The following TRRAP variants were observed in gnomAD, a reference collection of about 807,000 sequenced individuals.
TRRAP encodes the protein transformation/transcription domain-associated protein.
TRRAP carries 41 observed loss-of-function variants against 438.8 expected under a neutral mutation model. The observed-to-expected ratio is 0.09, with a 90% confidence interval of 0.07 to 0.12. The LOEUF (loss-of-function observed/expected upper bound fraction) is 0.12, where lower values mean the gene tolerates loss of function less well. Among genes scored for constraint, TRRAP ranks in the 10% least tolerant of loss-of-function variants. The pLI is 1.00. For synonymous variants in TRRAP, 1,994 were observed against 1,962.9 expected, an observed-to-expected ratio of 1.02 and a Z score of -0.42; for missense variants, 3,122 against 5,055.1, an observed-to-expected ratio of 0.62 and a Z score of 11.60.
intron 3 of TRRAP, among the ~76,000 whole-genome samples, chr7:98,884,195 C>T (rs569667274): frequency 1.2e-4 from 18 of 152,196 alleles, no homozygotes; most frequent in Non-Finnish European, 2.1e-4. Flanking sequence ...CCAGCATCCT[C>T]TAACATTGCT....
At chr7:98,983,114 A>G in intron 59 of TRRAP, 150 bp from the exon 60 acceptor site, 2 of 694,112 alleles carry the variant, frequency 2.9e-6, no homozygotes, top group South Asian at 4.2e-5. Flanking sequence ...GTGGGATCTC[A>G]GGTGTCTGTG....
intron 52 of TRRAP, among the ~76,000 whole-genome samples, chr7:98,971,330 C>T (rs746140027): frequency 6.6e-6 from 1 of 152,182 alleles, no homozygotes; most frequent in South Asian, 2.1e-4. Flanking sequence ...TGACTGACTT[C>T]TCCAAACCTT....
Position 98,953,325 on chromosome 7 carries a change from C to G in TRRAP, c.5622C>G (p.Pro1874=), listed in dbSNP as rs368194276. 2 of 1,613,920 alleles carry G rather than the reference C, an allele frequency of 1.2e-6. No homozygotes were observed. ...KLRRLMTFAW[P]CLLSKACVDP... is the part of the protein sequence containing the mutation. ...GCCGCCTCATGACCTTCGCCTGGCCCTGCCTGCTCTCCAAGGCCTGCGTGG... is the reference window on the plus strand; with the variant it reads ...GCCGCCTCATGACCTTCGCCTGGCCGTGCCTGCTCTCCAAGGCCTGCGTGG... The change falls in exon 40 of 73, where the codon CCC becomes CCG. Residue 1874 remains proline (P), a synonymous_variant. Transcript: ENST00000456197.
intron 35 of TRRAP, 31 bp from the exon 36 acceptor site, chr7:98,949,386 A>T (rs1206115278): frequency 2.0e-6 from 3 of 1,490,116 alleles, no homozygotes; most frequent in Non-Finnish European, 2.7e-6. Flanking sequence ...TGATTAGCTT[A>T]AAACGGCTTT....
At chr7:98,896,611 T>A (rs1554405786) in intron 7 of TRRAP, among the ~76,000 whole-genome samples, 1 of 152,086 alleles carries the variant, frequency 6.6e-6, no homozygotes, top group African/African-American at 2.4e-5. Context: ...CTTGAACTCC[T>A]GACCTCAGGT....
Position 98,994,451 on chromosome 7 carries a change from C to G in TRRAP, c.10048-136C>G, listed in dbSNP as rs1018515156. On this transcript the variant is annotated intron_variant, in intron 66 of 72. Transcript: ENST00000456197. This position sits in a 1 kb window ranked among gnomAD's most constrained non-coding sequence, Gnocchi z 4.8. ...TTTCTTGCACACGCCGATTTCATGC[C>G]TGCTGTGTGTGGGTCCTGCCGGGGA... 7.8e-7 allele frequency: 1 copy of G among 1,286,134 alleles called. No homozygotes were observed. The highest frequency in any genetic ancestry group is 1.1e-6 in the Non-Finnish European group (1 of 924,600). 79.7% of individuals were successfully genotyped at this position (1,286,134 alleles called of 1,614,324 possible). A position where few individuals can be genotyped will look rare whatever the true frequency, so the allele number is the denominator to read the frequency against.
At chr7:99,000,302 C>T (rs1404106702) in intron 67 of TRRAP, among the ~76,000 whole-genome samples, 1 of 152,158 alleles carries the variant, frequency 6.6e-6, no homozygotes, top group Non-Finnish European at 1.5e-5. Flanking sequence ...AGTCACTGCC[C>T]GGCCATGTAT....
chr7:98,991,188 C>T (rs74790667), intron 64 of TRRAP, among the ~76,000 whole-genome samples: 5,064 of 152,310 alleles, frequency 0.033, 130 homozygotes, highest in Non-Finnish European at 0.051. Context: ...ATGTCCCTCT[C>T]CCGTGAAAAG....
intron 20 of TRRAP, among the ~76,000 whole-genome samples, chr7:98,919,266 G>T (rs1461092393): frequency 6.6e-6 from 1 of 152,076 alleles, no homozygotes; most frequent in African/African-American, 2.4e-5. Context: ...TTCCCTCCCT[G>T]TCCTGAGATT....
intron 1 of TRRAP, among the ~76,000 whole-genome samples, chr7:98,880,812 A>G (rs1383430856): frequency 6.6e-6 from 1 of 152,288 alleles, no homozygotes; most frequent in Non-Finnish European, 1.5e-5. Flanking sequence ...AATATCTACT[A>G]TGTGGCTCTT....
Position 98,976,820 on chromosome 7 carries a change from C to T in TRRAP, c.8247+50C>T. 1 of 1,602,412 alleles carries T rather than the reference C, an allele frequency of 6.2e-7. No homozygotes were observed. The highest frequency in any genetic ancestry group is 2.2e-5 in the East Asian group (1 of 44,684). On this transcript the variant is annotated intron_variant, in intron 55 of 72. Transcript: ENST00000456197. This position sits in a 1 kb window ranked among gnomAD's most constrained non-coding sequence, Gnocchi z 4.6. ...ATTACCTCTTCCCTGCCAGTGACTTCACACTTTAAATAAATACTCCTCCCA... is the reference window on the plus strand; with the variant it reads ...ATTACCTCTTCCCTGCCAGTGACTTTACACTTTAAATAAATACTCCTCCCA...
chr7:98,954,503 A>G (rs1398165733), intron 40 of TRRAP, among the ~76,000 whole-genome samples: 4 of 152,196 alleles, frequency 2.6e-5, no homozygotes, highest in Non-Finnish European at 5.9e-5. Context: ...CTAGAACTCC[A>G]GCCTCGGGGC....
intron 3 of TRRAP, among the ~76,000 whole-genome samples, chr7:98,885,479 A>G (rs1795654898): frequency 6.6e-6 from 1 of 152,144 alleles, no homozygotes; most frequent in Admixed American, 6.6e-5. Flanking sequence ...TAAACATTAA[A>G]TACATGTTAG....
At chr7:98,971,020 T>A (rs567760855) in intron 52 of TRRAP, among the ~76,000 whole-genome samples, 1 of 152,302 alleles carries the variant, frequency 6.6e-6, no homozygotes, top group East Asian at 1.9e-4. Flanking sequence ...GCTCAGCCTG[T>A]GTGGAGCGTT....
Position 98,921,890 on chromosome 7 carries a change from G to C in TRRAP, c.2760G>C (p.Gln920His). The C allele has an allele frequency of 6.2e-7, 1 of 1,614,246 alleles. No individual in the cohort carries two copies. The highest frequency in any genetic ancestry group is 8.5e-7 in the Non-Finnish European group (1 of 1,180,046). Reference protein sequence around the residue: ...QKLHYVVTEVQGPSITVEFSD... With the variant: ...QKLHYVVTEVHGPSITVEFSD... ...TGCACTACGTTGTGACCGAGGTTCA[G>C]GGCCCCAGCATCACTGTGGAGTTTT... The change falls in exon 21 of 73, where the codon CAG becomes CAC. Residue 920 changes from glutamine (Q) to histidine (H), a missense_variant. Coordinates refer to ENST00000456197, the MANE Select transcript of TRRAP (RefSeq NM_001375524.1).
chr7:98,953,357 C>T lies in TRRAP; in HGVS notation c.5654C>T (p.Ala1885Val). ...CTCTCCAAGGCCTGCGTGGACCCAG[C>T]CTGCAAGTACAGCGGACACTTGCTC... ...CLLSKACVDP[A>V]CKYSGHLLLA... The change falls in exon 40 of 73, where the codon GCC (alanine) becomes GTC (valine). Residue 1885 changes from alanine to valine, a missense_variant. By Grantham distance (64) the Ala-to-Val change is moderately conservative (BLOSUM62 0). This residue lies in a region of TRRAP where 22 missense variants were observed against 28.8 expected (regional missense o/e 0.76). Coordinates refer to ENST00000456197, the MANE Select transcript of TRRAP (RefSeq NM_001375524.1). The T allele has an allele frequency of 1.2e-6, 2 of 1,613,946 alleles. No homozygotes were observed. The highest frequency in any genetic ancestry group is 1.7e-5 in the Admixed American group (1 of 60,024).
intron 4 of TRRAP, among the ~76,000 whole-genome samples, chr7:98,890,781 CTT>C (rs71118642): frequency 1.9e-5 from 1 of 53,046 alleles, no homozygotes. Context: ...AATGTCAGTT[CTT>C]TTTTTTTTTT....
Position 98,978,858 on chromosome 7 carries a change from C to A in TRRAP, c.8588C>A (p.Ala2863Asp). 6.2e-7 allele frequency: 1 copy of A among 1,614,174 alleles called. No homozygotes were observed. The highest frequency in any genetic ancestry group is 8.5e-7 in the Non-Finnish European group (1 of 1,180,034). The stretch of plus-strand genomic sequence containing the variant: ...AACCCCTACCTCGTCCTGGAGTGCG[C>A]CTGGCGGGTGTCCAACTGGACTGCC... ...HINPYLVLEC[A>D]WRVSNWTAMK... The change falls in exon 58 of 73, where the codon GCC becomes GAC. Residue 2863 changes from alanine to aspartate, a missense_variant. This residue lies in a region of TRRAP where 992 missense variants were observed against 1,281.2 expected (regional missense o/e 0.77). Coordinates refer to ENST00000456197, the MANE Select transcript of TRRAP (RefSeq NM_001375524.1).
intron 49 of TRRAP, among the ~76,000 whole-genome samples, chr7:98,966,733 G>T (rs143295916): frequency 6.6e-6 from 1 of 151,782 alleles, no homozygotes; most frequent in Admixed American, 6.6e-5. Flanking sequence ...TTTTTATGGC[G>T]ATAAAGATAA....
Sources: gnomAD v4.1 joint callset for allele counts (sites outside exome capture counted in the v4.1 genomes callset) on GRCh38, gnomAD v4.1.1 for gene constraint, gnomAD v4.1.1 regional missense constraint, Gnocchi (gnomAD v3.1) non-coding constraint, MANE v1.5 for transcripts, NCBI Gene and HGNC (gene_info 2026-07-23, HGNC 2026-07-21) for gene names.